The following BAZ1A variants were observed in gnomAD, a reference collection of about 807,000 sequenced individuals.
BAZ1A encodes the protein bromodomain adjacent to zinc finger domain 1A.
BAZ1A carries 50 observed loss-of-function variants against 185.2 expected under a neutral mutation model. The observed-to-expected ratio is 0.27, with a 90% CI of 0.22 to 0.34. BAZ1A has a LOEUF of 0.34. Ranked by LOEUF, BAZ1A falls within the 10% of genes least tolerant of loss-of-function variation. BAZ1A has a pLI of 1.00. For missense variants in BAZ1A, 1,356 were observed against 1,839.9 expected, an observed-to-expected ratio of 0.74 and a Z score of 4.81; for synonymous variants, 571 against 615.6, an observed-to-expected ratio of 0.93 and a Z score of 1.07.
At chr14:34,858,161 C>A (rs764377906) in intron 3 of BAZ1A, among the ~76,000 whole-genome samples, 2 of 152,036 alleles carry the variant, frequency 1.3e-5, no homozygotes, top group Non-Finnish European at 2.9e-5. Flanking sequence ...AAAAACAAAG[C>A]ATGGAAGAGA....
chr14:34,799,603 T>A (rs780600824), intron 9 of BAZ1A, among the ~76,000 whole-genome samples: 33 of 152,042 alleles, frequency 2.2e-4, no homozygotes, highest in Non-Finnish European at 4.1e-4. Context: ...TCAAGTAGGA[T>A]AAGAACATTA....
At chr14:34,847,312 C>G (rs193254184) in intron 3 of BAZ1A, among the ~76,000 whole-genome samples, 1 of 151,098 alleles carries the variant, frequency 6.6e-6, no homozygotes, top group East Asian at 1.9e-4. Flanking sequence ...TTGCTTAAGA[C>G]TTTTTTGTCC....
At chr14:34,806,791 C>G (rs1209768319) in intron 6 of BAZ1A, among the ~76,000 whole-genome samples, 1 of 151,476 alleles carries the variant, frequency 6.6e-6, no homozygotes, top group East Asian at 1.9e-4. Context: ...CTCTGTTGTC[C>G]AGGCTGGAGT....
intron 15 of BAZ1A, 86 bp downstream of exon 15, chr14:34,783,676 C>T: frequency 6.7e-7 from 1 of 1,483,656 alleles, no homozygotes; most frequent in Non-Finnish European, 9.1e-7. Flanking sequence ...TAATGAATGC[C>T]ACATTATAGC....
At chr14:34,870,504 A>G (rs1277292945) in intron 2 of BAZ1A, among the ~76,000 whole-genome samples, 1 of 152,234 alleles carries the variant, frequency 6.6e-6, no homozygotes, top group Non-Finnish European at 1.5e-5. Flanking sequence ...CCTACTATAA[A>G]TTGATGATGT....
At chr14:34,838,156 C>CAA (rs2042357133) in intron 3 of BAZ1A, among the ~76,000 whole-genome samples, 1 of 152,200 alleles carries the variant, frequency 6.6e-6, no homozygotes, top group Admixed American at 6.5e-5. Context: ...TTACACAAGA[C>CAA]AAAAACTTCC....
At chr14:34,826,523 C>T (rs923200388) in intron 3 of BAZ1A, among the ~76,000 whole-genome samples, 2 of 152,190 alleles carry the variant, frequency 1.3e-5, no homozygotes, top group Admixed American at 6.5e-5. Flanking sequence ...CCTCTTAGCA[C>T]TGCTTTTGCT....
At chr14:34,764,441 C>T (rs2138554024) in intron 23 of BAZ1A, among the ~76,000 whole-genome samples, 1 of 151,914 alleles carries the variant, frequency 6.6e-6, no homozygotes, top group East Asian at 1.9e-4. Flanking sequence ...TACAGATGTC[C>T]ACCAACACCT....
At chr14:34,871,849 C>T (rs1021080102) in intron 2 of BAZ1A, among the ~76,000 whole-genome samples, 8 of 152,144 alleles carry the variant, frequency 5.3e-5, no homozygotes, top group Non-Finnish European at 7.4e-5. Flanking sequence ...CCAGCCTGGG[C>T]GACAGGGTGA....
chr14:34,860,632 C>T lies in BAZ1A; in HGVS notation c.392+1412G>A, dbSNP rs576045588. Among the ~76,000 whole-genome samples, 5 of 150,862 alleles carry T rather than the reference C, an allele frequency of 3.3e-5. No individual in the cohort carries two copies. The South Asian group carries it at 6.3e-4, about 19-fold the overall frequency. On this transcript the variant is annotated intron_variant, in intron 3 of 26. Transcript: ENST00000360310. ...TTAAGAAATTAAGCCTTAGGCCAAG[C>T]GCAGTGGCTTACACCTGTAATCCCA... is the stretch of plus-strand genomic sequence containing the variant.
At chr14:34,826,270 T>C in intron 3 of BAZ1A, 114 bp from the exon 4 acceptor site, 1 of 991,150 alleles carries the variant, frequency 1.0e-6, no homozygotes, top group South Asian at 1.8e-5. Context: ...AGGCTATAGC[T>C]GATTGATTTA....
chr14:34,870,344 G>C lies in BAZ1A; in HGVS notation c.113+4148C>G, dbSNP rs147641188. The stretch of plus-strand genomic sequence containing the variant: ...CGGCAGGCTTATTCCTTAAAAAGGA[G>C]CTAAACATCTCATTTAAAGACACTA... On this transcript the variant is annotated intron_variant, in intron 2 of 26. Coordinates refer to ENST00000360310, the MANE Select transcript of BAZ1A (RefSeq NM_013448.3). Among the ~76,000 whole-genome samples the C allele has an allele frequency of 7.4e-4, 113 of 152,242 alleles. No homozygotes were observed. In the East Asian group the frequency reaches 0.02, roughly 28 times the overall value.
intron 3 of BAZ1A, among the ~76,000 whole-genome samples, chr14:34,827,509 G>A (rs575525450): frequency 1.1e-4 from 16 of 152,130 alleles, no homozygotes; most frequent in Non-Finnish European, 1.9e-4. Context: ...GCCGAGGCGG[G>A]TGGATCACGA....
chr14:34,753,723 A>C lies in BAZ1A; in HGVS notation c.4475-19T>G. 6.5e-7 allele frequency: 1 copy of C among 1,529,110 alleles called. No individual in the cohort carries two copies. The highest frequency in any genetic ancestry group is 8.9e-7 in the Non-Finnish European group (1 of 1,128,662). 94.7% of individuals were successfully genotyped at this position (1,529,110 alleles called of 1,614,324 possible). A position where few individuals can be genotyped will look rare whatever the true frequency, so the allele number is the denominator to read the frequency against. ...AACTCAGCTAGAAAGGGAAAGAGAC[A>C]AAAAGATTAGAATGAAAGTACATAA... is the stretch of plus-strand genomic sequence containing the variant. On this transcript the variant is annotated intron_variant, in intron 26 of 26. Transcript: ENST00000360310.
intron 2 of BAZ1A, among the ~76,000 whole-genome samples, chr14:34,865,730 T>C (rs1270491127): frequency 6.6e-6 from 1 of 152,104 alleles, no homozygotes; most frequent in Non-Finnish European, 1.5e-5. Context: ...GTTCAGGAAA[T>C]AATCGGTGTA....
intron 7 of BAZ1A, 114 bp downstream of exon 7, chr14:34,802,740 G>A: frequency 9.0e-7 from 1 of 1,112,312 alleles, no homozygotes; most frequent in South Asian, 1.6e-5. Context: ...TTTTGGTGAG[G>A]TAATGAGTTT....
chr14:34,765,368 T>C, intron 21 of BAZ1A, 100 bp from the exon 22 acceptor site: 1 of 1,402,718 alleles, frequency 7.1e-7, no homozygotes, highest in Non-Finnish European at 9.6e-7. Flanking sequence ...AGATTTTACA[T>C]TTCTTTTCTT....
At chr14:34,826,297 A>G (rs2042164474) in intron 3 of BAZ1A, 141 bp from the exon 4 acceptor site, 1 of 772,586 alleles carries the variant, frequency 1.3e-6, no homozygotes, top group Non-Finnish European at 2.0e-6. Context: ...TTAATTAAAA[A>G]GAAAATCTGT....
At chr14:34,869,674 T>C (rs1029359399) in intron 2 of BAZ1A, among the ~76,000 whole-genome samples, 4 of 152,144 alleles carry the variant, frequency 2.6e-5, no homozygotes, top group Non-Finnish European at 5.9e-5. Context: ...AACTATAAAA[T>C]TGTAGCAACT....
Sources: allele counts gnomAD v4.1 joint callset (sites outside exome capture counted in the v4.1 genomes callset), GRCh38; gene constraint gnomAD v4.1.1; transcripts MANE v1.5; gene names NCBI Gene and HGNC (gene_info 2026-07-23, HGNC 2026-07-21).